TPRN: variants seen among roughly 807,000 people sequenced by gnomAD.
TPRN encodes taperin.
In TPRN, 32 loss-of-function variants were observed where a neutral mutation model predicts 42.6. The observed-to-expected ratio is 0.75, with a 90% CI of 0.57 to 1.01. The LOEUF (loss-of-function observed/expected upper bound fraction) is 1.01, where lower values mean the gene tolerates loss of function less well. Among genes scored for constraint, TPRN ranks in the 50% least tolerant of loss-of-function variants. TPRN has a pLI of 0.00. For synonymous variants in TPRN, 541 were observed against 445.6 expected, an observed-to-expected ratio of 1.21 and a Z score of -2.70; for missense variants, 1,095 against 957.5, an observed-to-expected ratio of 1.14 and a Z score of -1.90.
chr9:137,193,936 C>CG (rs1834669107), intron 1 of TPRN: 1 of 152,346 alleles, frequency 6.6e-6, no homozygotes. Flanking sequence ...AGCGGCCACA[C>CG]GGCCCACACA....
chr9:137,198,127 C>T (rs1475402653), intron 1 of TPRN, among the ~76,000 whole-genome samples: 1 of 152,144 alleles, frequency 6.6e-6, no homozygotes, highest in East Asian at 1.9e-4. Flanking sequence ...ATAGGAAGAC[C>T]CAAGGGAGGC....
Position 137,200,315 on chromosome 9 carries a change from C to G in TPRN, c.397G>C (p.Val133Leu). The G allele has an allele frequency of 1.0e-6, 1 of 1,000,892 alleles. No individual in the cohort carries two copies. Among genetic ancestry groups the G allele is most frequent in the Non-Finnish European group, 1.2e-6 (1 of 843,738 alleles). 62.0% of individuals were successfully genotyped at this position (1,000,892 alleles called of 1,614,324 possible). Residue 133 changes from valine to leucine, a missense_variant, in exon 1 of 4, where the codon GTC becomes CTC. By Grantham distance (32) the Val-to-Leu change is conservative (BLOSUM62 1). Transcript: ENST00000409012. This position sits in a 1 kb window ranked among gnomAD's most constrained non-coding sequence, Gnocchi z 4.3. Reference protein sequence around the residue: ...VLVYGAPPGRVSRLLERFDPP... With the variant: ...VLVYGAPPGRLSRLLERFDPP... ...TCGAACCTCTCCAGTAGGCGGCTGA[C>G]GCGGCCGGGCGGCGCCCCGTACACC...
At chr9:137,196,235 C>T (rs959600907) in intron 1 of TPRN, among the ~76,000 whole-genome samples, 2 of 152,242 alleles carry the variant, frequency 1.3e-5, no homozygotes, top group African/African-American at 4.8e-5. Flanking sequence ...TGCTAGACTC[C>T]GGGCCCTGCA....
At position 137,199,378 on chromosome 9, in the gene TPRN, C is replaced by G. The variant is rs764539877; in HGVS notation, c.1334G>C (p.Ser445Thr). ...CAGCCCCGGCCTCACATATTCCCGG[C>G]TATTCTTGGCCAAGCCAGGAACCCT... ...GLRVPGLAKN[S>T]REYVRPGLPV... The change falls in exon 1 of 4, where the codon AGC (serine) becomes ACC (threonine). Residue 445 changes from serine to threonine, a missense_variant. Coordinates refer to ENST00000409012, the MANE Select transcript of TPRN (RefSeq NM_001128228.3). 1.2e-6 allele frequency: 2 copies of G among 1,612,692 alleles called. No individual in the cohort carries two copies. Among genetic ancestry groups the G allele is most frequent in the African/African-American group, 1.3e-5 (1 of 74,948 alleles).
chr9:137,199,449 G>C lies in TPRN; in HGVS notation c.1263C>G (p.Pro421=), dbSNP rs772112186. The C allele has an allele frequency of 2.5e-6, 4 of 1,607,618 alleles. No individual in the cohort carries two copies. The highest frequency in any genetic ancestry group is 3.4e-6 in the Non-Finnish European group (4 of 1,177,698). ...CTTCTTCCGAAGCAGCCGGCAGGAA[G>C]GGGGGCGGTGAGGACGGCCTCTGCC... The part of the protein sequence containing the change: ...IRWQRPSSPP[P]FLPAASEEAE... Residue 421 remains proline (P), a synonymous_variant, in exon 1 of 4, where the codon CCC becomes CCG. Transcript: ENST00000409012.
intron 1 of TPRN, among the ~76,000 whole-genome samples, chr9:137,196,703 G>A (rs145701316): frequency 9.2e-5 from 14 of 152,340 alleles, no homozygotes; most frequent in East Asian, 1.9e-4. Context: ...GGGCCACAGA[G>A]TACATGGGAC....
In TPRN at chr9:137,199,759, C is replaced by T; in HGVS notation, c.953G>A (p.Arg318Gln). 6.2e-7 allele frequency: 1 copy of T among 1,611,550 alleles called. No homozygotes were observed. Among genetic ancestry groups the T allele is most frequent in the African/African-American group, 1.3e-5 (1 of 75,042 alleles). ...ETIPLGDLQARALASLRANSR... is the reference protein window; with the variant it reads ...ETIPLGDLQAQALASLRANSR... ...GTTTGCGCGGAGGCTGGCCAGCGCCCGGGCCTGGAGGTCCCCCAAGGGGAT... is the reference window on the plus strand; with the variant it reads ...GTTTGCGCGGAGGCTGGCCAGCGCCTGGGCCTGGAGGTCCCCCAAGGGGAT... Residue 318 changes from arginine to glutamine, a missense_variant, in exon 1 of 4, where the codon CGG (arginine) becomes CAG (glutamine). By Grantham distance (43) the Arg-to-Gln change is conservative. Coordinates refer to ENST00000409012, the MANE Select transcript of TPRN (RefSeq NM_001128228.3).
chr9:137,192,533 C>T lies in TPRN; in HGVS notation c.1884G>A (p.Lys628=). The T allele has an allele frequency of 6.2e-7, 1 of 1,608,420 alleles. No individual in the cohort carries two copies. Among genetic ancestry groups the T allele is most frequent in the South Asian group, 1.1e-5 (1 of 90,504 alleles). The change falls in exon 2 of 4, where the codon AAG becomes AAA. Residue 628 remains lysine, a synonymous_variant. Transcript: ENST00000409012. ...CCCGGGGCAGGAAGAGTGCAAAGGG[C>T]TTCTCCTCTGAGCCGGATCCCTCTT... ...EEEEGSGSEE[K]PFALFLPRAT...
Position 137,192,168 on chromosome 9 carries a change from G to C in TPRN, c.2080C>G (p.Pro694Ala). ...TCCGAGAGGTCATTCTGACTGGCGG[G>C]TGTGAGCTGAAAGTGAGAGGACAGA... ...EPPPVEAMLT[P>A]ASQNDLSDFR... Residue 694 changes from proline (P) to alanine (A), a missense_variant, in exon 4 of 4, where the codon CCC becomes GCC. Physicochemically the swap from Pro to Ala is conservative, Grantham distance 27 (BLOSUM62 -1). Transcript: ENST00000409012. The C allele has an allele frequency of 6.2e-7, 1 of 1,613,658 alleles. No homozygotes were observed. Among genetic ancestry groups the C allele is most frequent in the Non-Finnish European group, 8.5e-7 (1 of 1,180,020 alleles).
At chr9:137,198,555 C>T (rs1209768064) in intron 1 of TPRN, among the ~76,000 whole-genome samples, 5 of 152,264 alleles carry the variant, frequency 3.3e-5, no homozygotes, top group Admixed American at 1.3e-4. Flanking sequence ...CCATTCATAG[C>T]GTGGCGCCTG....
chr9:137,199,633 G>A lies in TPRN; in HGVS notation c.1079C>T (p.Pro360Leu), dbSNP rs1347147842. 11 of 1,565,516 alleles carry A rather than the reference G, an allele frequency of 7.0e-6. No homozygotes were observed. Among genetic ancestry groups the A allele is most frequent in the Admixed American group, 3.8e-5 (2 of 52,928 alleles). ...SVELPKGDLG[P>L]ASPSQELGSQ... ...TCCGAGCTCCTGGCTCGGGGAGGCC[G>A]GGCCCAGGTCTCCCTTTGGCAGCTC... is the stretch of plus-strand genomic sequence containing the variant. Residue 360 changes from proline to leucine, a missense_variant, in exon 1 of 4, where the codon CCG becomes CTG. Coordinates refer to ENST00000409012, the MANE Select transcript of TPRN (RefSeq NM_001128228.3).
intron 3 of TPRN, 23 bp downstream of exon 3, chr9:137,192,236 C>T (rs558754124): frequency 2.7e-5 from 43 of 1,613,190 alleles, no homozygotes; most frequent in Admixed American, 1.7e-4. Flanking sequence ...CTCCCCCCAG[C>T]GCTCCACTCC....
In TPRN at chr9:137,200,213, G is replaced by C; in HGVS notation, c.499C>G (p.Pro167Ala). The change falls in exon 1 of 4, where the codon CCC (proline) becomes GCC (alanine). Residue 167 changes from proline (P) to alanine (A), a missense_variant. Coordinates refer to ENST00000409012, the MANE Select transcript of TPRN (RefSeq NM_001128228.3). The surrounding 1 kb of genome is among the most constrained non-coding windows in gnomAD (Gnocchi z 4.3). The part of the protein sequence containing the change: ...PPPPPPPPAP[P>A]RPPPAAPSPP... ...CTGGGGGCCGCGGGCGGGGGCCGGG[G>C]CGGCGCGGGCGGCGGCGGCGGCGGC... The C allele has an allele frequency of 1.0e-6, 1 of 955,466 alleles. No homozygotes were observed. The highest frequency in any genetic ancestry group is 1.2e-4 in the East Asian group (1 of 8,414). The allele number at this position is 955,466 out of a possible 1,614,324, so 59.2% of individuals were successfully genotyped here. A position where few individuals can be genotyped will look rare whatever the true frequency, so the allele number is the denominator to read the frequency against.
intron 1 of TPRN, 148 bp from the exon 2 acceptor site, chr9:137,192,839 CAG>C (rs1409187451): frequency 5.0e-6 from 4 of 793,316 alleles, no homozygotes; most frequent in Non-Finnish European, 8.2e-6. Context: ...GGAGGGGGCA[CAG>C]AGCTCTCCAG....
In TPRN at chr9:137,192,565, CTT is replaced by C; in HGVS notation, c.1850_1851del (p.Glu617GlyfsTer37). 6.2e-7 allele frequency: 1 copy of C among 1,611,702 alleles called. No individual in the cohort carries two copies. The highest frequency in any genetic ancestry group is 2.2e-5 in the East Asian group (1 of 44,812). ...EEEEEEEEEE[E>X]EEEEGSGSEE... is the part of the protein sequence containing the mutation. The stretch of plus-strand genomic sequence containing the variant: ...TCTGAGCCGGATCCCTCTTCCTCCT[CTT>C]CCTCTTCCTCCTCCTCCTCCTCCTC... On this transcript the variant is annotated frameshift_variant, in exon 2 of 4. Coordinates refer to ENST00000409012, the MANE Select transcript of TPRN (RefSeq NM_001128228.3). LOFTEE classifies it high-confidence loss of function.
In TPRN at chr9:137,200,230, G is replaced by A. The variant is rs1834784344; in HGVS notation, c.482C>T (p.Pro161Leu). Reference sequence around the variant, plus strand: ...GGGCCGGGGCGGCGCGGGCGGCGGCGGCGGCGGCGGGGGGCGGGCGCGCTC... The same window carrying A: ...GGGCCGGGGCGGCGCGGGCGGCGGCAGCGGCGGCGGGGGGCGGGCGCGCTC... ...SPERARPPPPPPPPAPPRPPP... is the reference protein window; with the variant it reads ...SPERARPPPPLPPPAPPRPPP... Residue 161 changes from proline to leucine, a missense_variant, in exon 1 of 4, where the codon CCG (proline) becomes CTG (leucine). Pro to Leu is a moderately conservative substitution (Grantham distance 98). Coordinates refer to ENST00000409012, the MANE Select transcript of TPRN (RefSeq NM_001128228.3). This position sits in a 1 kb window ranked among gnomAD's most constrained non-coding sequence, Gnocchi z 4.3. The A allele has an allele frequency of 1.3e-5, 13 of 967,020 alleles. No individual in the cohort carries two copies. In the South Asian group the frequency reaches 5.2e-4, roughly 39 times the overall value. The allele number at this position is 967,020 out of a possible 1,614,324, so 59.9% of individuals were successfully genotyped here.
At chr9:137,198,537 G>T (rs1834740203) in intron 1 of TPRN, among the ~76,000 whole-genome samples, 2 of 152,238 alleles carry the variant, frequency 1.3e-5, no homozygotes, top group Non-Finnish European at 2.9e-5. Context: ...CCGATCATCT[G>T]GCCCTTCCCA....
Position 137,200,132 on chromosome 9 carries a change from T to A in TPRN, c.580A>T (p.Ser194Cys). The A allele has an allele frequency of 8.1e-7, 1 of 1,227,410 alleles. No homozygotes were observed. The highest frequency in any genetic ancestry group is 3.2e-5 in the East Asian group (1 of 31,180). The allele number at this position is 1,227,410 out of a possible 1,614,324, so 76.0% of individuals were successfully genotyped here. The part of the protein sequence containing the change: ...GGGASPGARR[S>C]DFLQKTGSNS... Reference sequence around the variant, plus strand: ...CTGCCGGTCTTCTGGAGGAAGTCGCTGCGCCGGGCCCCGGGGCTCGCCCCG... The same window carrying A: ...CTGCCGGTCTTCTGGAGGAAGTCGCAGCGCCGGGCCCCGGGGCTCGCCCCG... Residue 194 changes from serine (S) to cysteine (C), a missense_variant, in exon 1 of 4, where the codon AGC becomes TGC. By Grantham distance (112) the Ser-to-Cys change is moderately radical (BLOSUM62 -1). Transcript: ENST00000409012. The surrounding 1 kb of genome is among the most constrained non-coding windows in gnomAD (Gnocchi z 4.3).
intron 1 of TPRN, chr9:137,194,793 G>A (rs1257751521): frequency 6.6e-6 from 1 of 152,288 alleles, no homozygotes; most frequent in South Asian, 2.1e-4. Context: ...GTGGGGACAG[G>A]ACACCCCGTG....
Sources: gnomAD v4.1 joint callset for allele counts (sites outside exome capture counted in the v4.1 genomes callset) on GRCh38, gnomAD v4.1.1 for gene constraint, Gnocchi (gnomAD v3.1) non-coding constraint, MANE v1.5 for transcripts, NCBI Gene and HGNC (gene_info 2026-07-23, HGNC 2026-07-21) for gene names.